AGBL1: variants seen among roughly 807,000 people sequenced by gnomAD.
The protein encoded by AGBL1 is AGBL carboxypeptidase 1.
In AGBL1, 130 loss-of-function variants were observed where a neutral mutation model predicts 118.9. That is an observed-to-expected ratio of 1.09 (90% confidence interval 0.95 to 1.26). AGBL1 has a LOEUF of 1.26. Ranked by LOEUF, AGBL1 falls within the 50% of genes most tolerant of loss-of-function variation. The pLI, the probability that AGBL1 is intolerant of heterozygous loss-of-function variation, is 0.00. For synonymous variants in AGBL1, 555 were observed against 478.9 expected (o/e 1.16, Z -2.08); for missense variants, 1,584 against 1,298.1 (o/e 1.22, Z -3.38).
At chr15:86,990,770 A>G (rs2081330085) in intron 24 of AGBL1, among the ~76,000 whole-genome samples, 1 of 152,162 alleles carries the variant, frequency 6.6e-6, no homozygotes, top group Non-Finnish European at 1.5e-5. Context: ...GGGAACATCA[A>G]ACAAGGTCTA....
chr15:86,477,878 T>C (rs1175392609), intron 18 of AGBL1, among the ~76,000 whole-genome samples: 1 of 152,134 alleles, frequency 6.6e-6, no homozygotes, highest in Non-Finnish European at 1.5e-5. Context: ...AAAAAGCTTA[T>C]CCACCATGAT....
intron 5 of AGBL1, among the ~76,000 whole-genome samples, chr15:86,181,324 T>A (rs1372718358): frequency 6.6e-6 from 1 of 152,090 alleles, no homozygotes; most frequent in Non-Finnish European, 1.5e-5. Flanking sequence ...TAGAATATTG[T>A]TCAACAATAC....
intron 22 of AGBL1, among the ~76,000 whole-genome samples, chr15:86,817,242 A>G (rs1044088836): frequency 5.3e-5 from 8 of 150,914 alleles, no homozygotes; most frequent in Admixed American, 1.3e-4. Context: ...CAGTGACCCA[A>G]GATAGTGCGA....
chr15:86,955,745 T>G (rs1354576278), intron 23 of AGBL1, among the ~76,000 whole-genome samples: 1 of 152,074 alleles, frequency 6.6e-6, no homozygotes, highest in Admixed American at 6.6e-5. Flanking sequence ...ACAACCGGAT[T>G]ATGAAGAAGA....
chr15:86,132,169 G>A (rs551354966), intron 1 of AGBL1, among the ~76,000 whole-genome samples: 2 of 152,206 alleles, frequency 1.3e-5, no homozygotes, highest in African/African-American at 2.4e-5. Context: ...CAGCAGGGTC[G>A]AATCATTCCT....
At chr15:86,730,258 A>C (rs2077509429) in intron 22 of AGBL1, among the ~76,000 whole-genome samples, 1 of 152,210 alleles carries the variant, frequency 6.6e-6, no homozygotes, top group Non-Finnish European at 1.5e-5. Context: ...AAAATTGACA[A>C]GTGGGACCTA....
At chr15:86,485,816 C>T (rs960577013) in intron 18 of AGBL1, among the ~76,000 whole-genome samples, 8 of 152,058 alleles carry the variant, frequency 5.3e-5, no homozygotes, top group African/African-American at 1.9e-4. Flanking sequence ...TTATTCTGAT[C>T]CAGGTGGCCT....
At chr15:86,932,812 G>A (rs1270113724) in intron 23 of AGBL1, 1 of 151,940 alleles carries the variant, frequency 6.6e-6, no homozygotes, top group East Asian at 1.9e-4. Context: ...CTAGTTACTT[G>A]AATCTGGACT....
At chr15:86,244,775 CG>C (rs918239807) in intron 6 of AGBL1, among the ~76,000 whole-genome samples, 2 of 152,160 alleles carry the variant, frequency 1.3e-5, no homozygotes, top group African/African-American at 4.8e-5. Context: ...ATGCTGCCCA[CG>C]GGGCCCCTGT....
chr15:86,705,100 A>G (rs1191065413), intron 22 of AGBL1, among the ~76,000 whole-genome samples: 1 of 151,148 alleles, frequency 6.6e-6, no homozygotes, highest in Non-Finnish European at 1.5e-5. Context: ...ACATGGACAC[A>G]GGGAGGGAAA....
intron 5 of AGBL1, among the ~76,000 whole-genome samples, chr15:86,193,725 AT>A (rs914601029): frequency 9.2e-5 from 14 of 152,304 alleles, no homozygotes; most frequent in Admixed American, 8.5e-4. Context: ...TGTCTGAAGC[AT>A]TCTCTCAAGG....
intron 19 of AGBL1, among the ~76,000 whole-genome samples, chr15:86,542,118 A>G (rs1026353860): frequency 1.8e-4 from 27 of 152,346 alleles, no homozygotes; most frequent in African/African-American, 6.5e-4. Flanking sequence ...TGTTGTGCTC[A>G]ACAATAGTCT....
intron 18 of AGBL1, among the ~76,000 whole-genome samples, chr15:86,457,438 C>G (rs2082275461): frequency 6.6e-6 from 1 of 152,188 alleles, no homozygotes; most frequent in Admixed American, 6.5e-5. Flanking sequence ...CTGAAATATT[C>G]TCTGCTTTCT....
chr15:86,327,773 C>G lies in AGBL1; in HGVS notation c.2374+32365C>G, dbSNP rs1348972721. 2.0e-5 allele frequency among the ~76,000 whole-genome samples: 3 copies of G among 152,278 alleles called. No individual in the cohort carries two copies. In the East Asian group the frequency reaches 5.8e-4, roughly 29 times the overall value. On this transcript the variant is annotated intron_variant, in intron 17 of 22. Coordinates refer to ENST00000614907, the MANE Select transcript of AGBL1 (RefSeq NM_001386094.1). ...AATGTATTTACAAATGAACCTTAGG[C>G]AGGTGTGACTTGCCTAATTACTTGC...
chr15:86,461,208 T>C (rs1299332242), intron 18 of AGBL1, among the ~76,000 whole-genome samples: 1 of 151,960 alleles, frequency 6.6e-6, no homozygotes. Flanking sequence ...GGTGGTAGGG[T>C]GTGGGGGTAC....
intron 21 of AGBL1, among the ~76,000 whole-genome samples, chr15:86,576,589 C>G (rs764621109): frequency 2.6e-5 from 4 of 152,190 alleles, no homozygotes; most frequent in Non-Finnish European, 5.9e-5. Context: ...TCACTATATA[C>G]AAAGAGGTCT....
At chr15:86,189,565 A>G (rs1026474309) in intron 5 of AGBL1, among the ~76,000 whole-genome samples, 8 of 152,038 alleles carry the variant, frequency 5.3e-5, no homozygotes, top group Non-Finnish European at 1.0e-4. Context: ...TTCTCATTCC[A>G]TTAGTTCCCA....
rs568456126 is a variant in AGBL1 at position 86,745,419 on chromosome 15, T to C, written c.3158+70983T>C. On this transcript the variant is annotated intron_variant, in intron 22 of 22. Coordinates refer to ENST00000614907, the MANE Select transcript of AGBL1 (RefSeq NM_001386094.1). Reference sequence around the variant, plus strand: ...GTCTGACCCCCAAAGTCCGTTGTTTTAAACATGCATCTATGCCACAGGAAA... The same window carrying C: ...GTCTGACCCCCAAAGTCCGTTGTTTCAAACATGCATCTATGCCACAGGAAA... 2.0e-5 allele frequency among the ~76,000 whole-genome samples: 3 copies of C among 152,148 alleles called. No homozygotes were observed. In the East Asian group the frequency reaches 5.8e-4, roughly 30 times the overall value.
chr15:86,509,439 G>T (rs984518687), intron 18 of AGBL1, among the ~76,000 whole-genome samples: 5 of 152,112 alleles, frequency 3.3e-5, no homozygotes, highest in Non-Finnish European at 5.9e-5. Flanking sequence ...GATTGAGTTG[G>T]ACTGGTGAGA....
Sources: allele counts gnomAD v4.1 joint callset (sites outside exome capture counted in the v4.1 genomes callset), GRCh38; gene constraint gnomAD v4.1.1; transcripts MANE v1.5; gene names NCBI Gene and HGNC (gene_info 2026-07-23, HGNC 2026-07-21).